KIF1B: variants seen among roughly 807,000 people sequenced by gnomAD.
KIF1B encodes kinesin-like protein KIF1B.
Under a neutral mutation model 241.9 loss-of-function variants are expected in KIF1B, and 76 were observed. The observed-to-expected ratio is 0.31, with a 90% confidence interval of 0.26 to 0.38. KIF1B has a LOEUF of 0.38. KIF1B is among the 10% of genes least tolerant of loss of function. The pLI, the probability that KIF1B is intolerant of heterozygous loss-of-function variation, is 1.00. For synonymous variants in KIF1B, 750 were observed against 796.7 expected (o/e 0.94, Z 0.99); for missense variants, 1,622 against 2,271.4 (o/e 0.71, Z 5.81).
At chr1:10,221,011 T>A (rs1409397966) in intron 1 of KIF1B, among the ~76,000 whole-genome samples, 1 of 151,758 alleles carries the variant, frequency 6.6e-6, no homozygotes, top group East Asian at 1.9e-4. Context: ...TGTTTAGCCA[T>A]ATTGGAGATT....
chr1:10,237,377 G>A (rs898749334), intron 2 of KIF1B, among the ~76,000 whole-genome samples: 2 of 152,096 alleles, frequency 1.3e-5, no homozygotes, highest in African/African-American at 4.8e-5. Context: ...CTGTATAAAT[G>A]CACTCAAAAA....
rs758600090 is a variant in KIF1B at position 10,267,367 on chromosome 1, A to T, written c.430-13A>T. ...CTTTTTCACTCTAATTCACTTTACT[A>T]ATTTGTTCATAGGTGAGCTACATGG... On this transcript the variant is annotated splice_polypyrimidine_tract_variant and intron_variant, in intron 5 of 48. Coordinates refer to ENST00000676179, the MANE Select transcript of KIF1B (RefSeq NM_001365951.3). The T allele has an allele frequency of 2.5e-6, 4 of 1,612,564 alleles. No homozygotes were observed. The highest frequency in any genetic ancestry group is 3.4e-6 in the Non-Finnish European group (4 of 1,178,722).
rs1638632518 is a variant in KIF1B, at chr1:10,368,336, G to T, written c.4753-131G>T. 4.1e-6 allele frequency: 3 copies of T among 735,562 alleles called. No homozygotes were observed. The East Asian group carries it at 7.7e-5, about 19-fold the overall frequency. The allele number at this position is 735,562 out of a possible 1,614,324, so 45.6% of individuals were successfully genotyped here. A position where few individuals can be genotyped will look rare whatever the true frequency, so the allele number is the denominator to read the frequency against. ...CGGCAGATGGACGAATGCATAGGGA[G>T]AGGAGATGTGGAGCTTCCATGCCCT... On this transcript the variant is annotated intron_variant, in intron 43 of 48. Transcript: ENST00000676179.
At chr1:10,368,366 G>T in intron 43 of KIF1B, 101 bp from the exon 44 acceptor site, 1 of 902,620 alleles carries the variant, frequency 1.1e-6, no homozygotes, top group Non-Finnish European at 1.8e-6. Context: ...TGCCCTCCCC[G>T]GGAACTCAGC....
chr1:10,373,973 C>T (rs537767055), intron 45 of KIF1B, among the ~76,000 whole-genome samples: 119 of 152,312 alleles, frequency 7.8e-4, no homozygotes, highest in African/African-American at 2.8e-3. Context: ...AGAAACATCG[C>T]TTTTGGTGTG....
chr1:10,265,243 TA>T (rs1261374940), intron 5 of KIF1B, among the ~76,000 whole-genome samples: 41 of 125,990 alleles, frequency 3.3e-4, no homozygotes, highest in African/African-American at 1.2e-3. Context: ...TTTATTTATT[TA>T]TTTATTTTTA....
At chr1:10,268,333 C>G (rs1648584067) in intron 7 of KIF1B, 70 bp downstream of exon 7, 1 of 1,051,020 alleles carries the variant, frequency 9.5e-7, no homozygotes, top group African/African-American at 1.6e-5. Context: ...TTTTGTTGCC[C>G]TCTGCTTTTT....
intron 33 of KIF1B, 107 bp downstream of exon 33, chr1:10,342,275 T>C: frequency 1.3e-6 from 1 of 797,868 alleles, no homozygotes; most frequent in Non-Finnish European, 2.3e-6. Flanking sequence ...ACTAAATAAG[T>C]ATTCTATATT....
rs114382611 is a variant in KIF1B at position 10,250,796 on chromosome 1, A to T, written c.107-5451A>T. Among the ~76,000 whole-genome samples, 996 of 152,340 alleles carry T rather than the reference A, an allele frequency of 6.5e-3. 11 individuals carry two copies. Among genetic ancestry groups the T allele is most frequent in the Middle Eastern group, 0.037 (11 of 294 alleles). On this transcript the variant is annotated intron_variant, in intron 2 of 48. Transcript: ENST00000676179. ...AGCCATGATTGAGCCACTGTACTCC[A>T]GCCTGGGTGACAGACCGTGACGCTG... is the stretch of plus-strand genomic sequence containing the variant.
At chr1:10,285,000 G>A (rs1649619541) in intron 15 of KIF1B, among the ~76,000 whole-genome samples, 1 of 152,200 alleles carries the variant, frequency 6.6e-6, no homozygotes, top group African/African-American at 2.4e-5. Context: ...AGGCTGCAGG[G>A]TAACTTTTAC....
At chr1:10,370,646 T>C (rs2102357374) in intron 44 of KIF1B, among the ~76,000 whole-genome samples, 1 of 148,326 alleles carries the variant, frequency 6.7e-6, no homozygotes, top group South Asian at 2.1e-4. Context: ...AGAAAGAAAA[T>C]AATAATAATA....
intron 34 of KIF1B, 130 bp downstream of exon 34, chr1:10,343,417 C>A: frequency 1.1e-6 from 1 of 885,928 alleles, no homozygotes; most frequent in Non-Finnish European, 1.8e-6. Flanking sequence ...TCCTGCTCCT[C>A]TTGTATGTAT....
chr1:10,245,114 C>T (rs1571129430), intron 2 of KIF1B, among the ~76,000 whole-genome samples: 1 of 152,278 alleles, frequency 6.6e-6, no homozygotes, highest in Non-Finnish European at 1.5e-5. Context: ...TTACTAGACA[C>T]TGAGATATTA....
intron 1 of KIF1B, among the ~76,000 whole-genome samples, chr1:10,215,248 C>T (rs1421259666): frequency 7.3e-6 from 1 of 137,898 alleles, no homozygotes; most frequent in Non-Finnish European, 1.5e-5. Flanking sequence ...GCGATCTCGG[C>T]TCACCGTAAC....
intron 22 of KIF1B, among the ~76,000 whole-genome samples, chr1:10,317,977 A>G (rs189098143): frequency 2.0e-5 from 3 of 151,712 alleles, no homozygotes; most frequent in Admixed American, 2.0e-4. Context: ...TTTAAAGATG[A>G]AGAAGGTGAA....
rs376929489 is a variant in KIF1B at position 10,303,240 on chromosome 1, A to G, written c.2115+5994A>G. On this transcript the variant is annotated intron_variant, in intron 22 of 48. Coordinates refer to ENST00000676179, the MANE Select transcript of KIF1B (RefSeq NM_001365951.3). This position sits in a 1 kb window ranked among gnomAD's most constrained non-coding sequence, Gnocchi z 5.2. Reference sequence around the variant, plus strand: ...GCTGGAAACTGATTACTTCTCTGAGAGAAAAGCTACCTCCCAGCAAGTTGC... The same window carrying G: ...GCTGGAAACTGATTACTTCTCTGAGGGAAAAGCTACCTCCCAGCAAGTTGC... 4 of 1,614,036 alleles carry G rather than the reference A, an allele frequency of 2.5e-6. No homozygotes were observed. The highest frequency in any genetic ancestry group is 2.7e-5 in the African/African-American group (2 of 74,914).
chr1:10,337,393 G>T lies in KIF1B; in HGVS notation c.3282G>T (p.Leu1094=). 6.2e-7 allele frequency: 1 copy of T among 1,614,212 alleles called. No individual in the cohort carries two copies. The highest frequency in any genetic ancestry group is 8.5e-7 in the Non-Finnish European group (1 of 1,180,034). The stretch of plus-strand genomic sequence containing the variant: ...TAGATTTGAAGTCAAGCACTTTGCT[G>T]GATGGTAAGATGGTAATGGAAGGGT... ...NDLDLKSSTL[L]DGKMVMEGFS... The change falls in exon 31 of 49, where the codon CTG becomes CTT. Residue 1094 remains leucine (L), a synonymous_variant. Coordinates refer to ENST00000676179, the MANE Select transcript of KIF1B (RefSeq NM_001365951.3). The surrounding 1 kb of genome is among the most constrained non-coding windows in gnomAD (Gnocchi z 4.0).
intron 27 of KIF1B, among the ~76,000 whole-genome samples, chr1:10,327,212 A>G (rs1036489758): frequency 2.0e-5 from 3 of 151,932 alleles, no homozygotes; most frequent in African/African-American, 7.3e-5. Context: ...TAAAAATACA[A>G]AAATTAGGCT....
chr1:10,310,867 G>A (rs985511784), intron 22 of KIF1B, among the ~76,000 whole-genome samples: 2 of 151,584 alleles, frequency 1.3e-5, no homozygotes, highest in East Asian at 3.9e-4. Flanking sequence ...CTTTGGGAAT[G>A]AAAAGTGGCC....
Sources: gnomAD v4.1 joint callset for allele counts (sites outside exome capture counted in the v4.1 genomes callset) on GRCh38, gnomAD v4.1.1 for gene constraint, Gnocchi (gnomAD v3.1) non-coding constraint, MANE v1.5 for transcripts, NCBI Gene and HGNC (gene_info 2026-07-23, HGNC 2026-07-21) for gene names.